The following PCDH11Y variants were observed in gnomAD, a reference collection of about 807,000 sequenced individuals.
PCDH11Y encodes the protein protocadherin 11 Y-linked, also known as protocadherin-11 Y-linked.
For missense variants in PCDH11Y, 12 were observed against 224.8 expected, an observed-to-expected ratio of 0.05 and a Z score of 6.05; for synonymous variants, 9 against 83.6, an observed-to-expected ratio of 0.11 and a Z score of 4.87.
chrY:5,337,558 A>T, intron 2 of PCDH11Y, among the ~76,000 whole-genome samples: 1 of 31,336 alleles, frequency 3.2e-5, no homozygotes, highest in African/African-American at 1.3e-4. Context: ...AAGGAACAGT[A>T]CTTCTACTTT....
At chrY:5,416,472 A>AAT (rs2053253361) in intron 2 of PCDH11Y, among the ~76,000 whole-genome samples, 4 of 32,712 alleles carry the variant, frequency 1.2e-4, no homozygotes, top group Non-Finnish European at 3.0e-4. Flanking sequence ...GGGGCAGGGT[A>AAT]AGAAATTCTG....
chrY:5,377,463 A>G, intron 2 of PCDH11Y, among the ~76,000 whole-genome samples: 1 of 33,693 alleles, frequency 3.0e-5, no homozygotes, highest in Admixed American at 2.7e-4. Flanking sequence ...AAACTTGTTC[A>G]TATGGTGAAA....
intron 2 of PCDH11Y, among the ~76,000 whole-genome samples, chrY:5,124,041 A>G (rs2052822131): frequency 3.0e-5 from 1 of 32,834 alleles, no homozygotes; most frequent in Non-Finnish European, 7.5e-5. Flanking sequence ...GAGATTGAAC[A>G]TGATTTGGTC....
At chrY:5,521,850 A>G in intron 3 of PCDH11Y, among the ~76,000 whole-genome samples, 3 of 33,638 alleles carry the variant, frequency 8.9e-5, no homozygotes, top group Admixed American at 2.7e-4. Context: ...ATGAAATAGT[A>G]TTTGTTTTTT....
intron 2 of PCDH11Y, among the ~76,000 whole-genome samples, chrY:5,199,855 G>C: frequency 3.0e-5 from 1 of 33,709 alleles, no homozygotes; most frequent in Non-Finnish European, 7.3e-5. Flanking sequence ...ACAACTGAAA[G>C]AATAGTTACT....
chrY:5,105,667 A>G (rs2052791198), downstream of PCDH11Y, among the ~76,000 whole-genome samples: 2 of 32,519 alleles, frequency 6.2e-5, no homozygotes, highest in African/African-American at 1.2e-4. Flanking sequence ...AAGAAAGAAA[A>G]AAAGTTATTT....
chrY:5,020,427 C>T, intron 1 of PCDH11Y, among the ~76,000 whole-genome samples: 1 of 32,825 alleles, frequency 3.0e-5, no homozygotes, highest in Non-Finnish European at 7.5e-5. Context: ...AACAGTAAAA[C>T]GCATTTTTTT....
chrY:5,460,122 G>T, intron 2 of PCDH11Y, among the ~76,000 whole-genome samples: 1 of 32,830 alleles, frequency 3.0e-5, no homozygotes, highest in Non-Finnish European at 7.6e-5. Flanking sequence ...CAATTTTAAA[G>T]TAAAATGTTG....
At chrY:5,456,637 C>T (rs2053298562) in intron 2 of PCDH11Y, among the ~76,000 whole-genome samples, 1 of 33,657 alleles carries the variant, frequency 3.0e-5, no homozygotes, top group Non-Finnish European at 7.4e-5. Context: ...TGGAATACTA[C>T]GAATCCGTAA....
At chrY:5,304,803 C>T in intron 2 of PCDH11Y, among the ~76,000 whole-genome samples, 2 of 32,681 alleles carry the variant, frequency 6.1e-5, no homozygotes, top group African/African-American at 1.2e-4. Flanking sequence ...GGAATGCACC[C>T]TGCTGACACT....
chrY:5,462,005 G>A, intron 2 of PCDH11Y, among the ~76,000 whole-genome samples: 1 of 33,065 alleles, frequency 3.0e-5, no homozygotes, highest in Non-Finnish European at 7.5e-5. Context: ...GCAATTTAAT[G>A]CTATCTTTGA....
intron 3 of PCDH11Y, chrY:5,573,957 C>G: frequency 4.9e-6 from 1 of 205,206 alleles, no homozygotes; most frequent in Non-Finnish European, 9.0e-6. Context: ...CTGGCCTCAG[C>G]AGATTGAGGA....
intron 4 of PCDH11Y, among the ~76,000 whole-genome samples, chrY:5,605,825 A>C: frequency 3.3e-5 from 1 of 30,448 alleles, no homozygotes; most frequent in African/African-American, 1.3e-4. Flanking sequence ...TCTGTGTACA[A>C]AAAGGAATGG....
intron 2 of PCDH11Y, among the ~76,000 whole-genome samples, chrY:5,460,422 C>G: frequency 6.1e-5 from 2 of 32,984 alleles, no homozygotes; most frequent in Non-Finnish European, 1.5e-4. Flanking sequence ...TGTCAGTGAA[C>G]AATTCAGATG....
intron 2 of PCDH11Y, among the ~76,000 whole-genome samples, chrY:5,332,454 A>G: frequency 2.9e-5 from 1 of 34,025 alleles, no homozygotes; most frequent in South Asian, 6.4e-4. Context: ...TAGTCAAATT[A>G]ATTTATCAGT....
At chrY:5,331,632 C>G in intron 2 of PCDH11Y, among the ~76,000 whole-genome samples, 1 of 33,720 alleles carries the variant, frequency 3.0e-5, no homozygotes, top group African/African-American at 1.2e-4. Flanking sequence ...CATCTATGAT[C>G]TGGAAGCCAC....
chrY:5,114,549 A>G (rs2052807025), intron 2 of PCDH11Y: 3 of 37,448 alleles, frequency 8.0e-5, no homozygotes, highest in African/African-American at 1.8e-4. Flanking sequence ...GTGCAGTGGC[A>G]CGATCTTGGC....
intron 3 of PCDH11Y, among the ~76,000 whole-genome samples, chrY:5,574,750 A>G: frequency 6.1e-5 from 2 of 32,568 alleles, no homozygotes; most frequent in African/African-American, 2.4e-4. Flanking sequence ...AAAAATAACT[A>G]CACTGGGGGA....
intron 2 of PCDH11Y, among the ~76,000 whole-genome samples, chrY:5,122,457 G>A (rs2052819726): frequency 3.1e-5 from 1 of 32,718 alleles, no homozygotes; most frequent in South Asian, 7.0e-4. Flanking sequence ...TAATGTCATG[G>A]GAACAGGAAG....
Sources: gnomAD v4.1 joint callset for allele counts (sites outside exome capture counted in the v4.1 genomes callset) on GRCh38, gnomAD v4.1.1 for gene constraint, MANE v1.5 for transcripts, NCBI Gene and HGNC (gene_info 2026-07-23, HGNC 2026-07-21) for gene names.